The following MYO1G variants were observed in gnomAD, a reference collection of about 807,000 sequenced individuals.
MYO1G encodes myosin IG.
A neutral mutation model predicts 115.3 loss-of-function variants in MYO1G; 65 were observed. That is an observed-to-expected ratio of 0.56 (90% CI 0.46 to 0.69). MYO1G has a LOEUF of 0.69. Ranked by LOEUF, MYO1G falls within the 30% of genes least tolerant of loss-of-function variation. The pLI, the probability that MYO1G is intolerant of heterozygous loss-of-function variation, is 0.00. For missense variants in MYO1G, 1,204 were observed against 1,393.5 expected (o/e 0.86, Z 2.16); for synonymous variants, 510 against 552.6 (o/e 0.92, Z 1.08).
At position 44,963,343 on chromosome 7, in the gene MYO1G, A is replaced by G. The variant is rs1794783769; in HGVS notation, c.2746-219T>C. On this transcript the variant is annotated intron_variant, in intron 20 of 21. Coordinates refer to ENST00000258787, the MANE Select transcript of MYO1G (RefSeq NM_033054.3). This position sits in a 1 kb window ranked among gnomAD's most constrained non-coding sequence, Gnocchi z 4.1. ...GACGCTGCACAATACGATTTTCTCC[A>G]GGACTGATGGTTCTAGATCCTTGCT... The G allele has an allele frequency of 1.9e-6, 1 of 537,202 alleles. No homozygotes were observed. Among genetic ancestry groups the G allele is most frequent in the Non-Finnish European group, 3.2e-6 (1 of 312,318 alleles). The allele number at this position is 537,202 out of a possible 1,614,324, so 33.3% of individuals were successfully genotyped here. A position where few individuals can be genotyped will look rare whatever the true frequency, so the allele number is the denominator to read the frequency against.
rs764508653 is a variant in MYO1G at position 44,965,598 on chromosome 7, G to A, written c.2381+39C>T. The A allele has an allele frequency of 1.3e-5, 20 of 1,565,334 alleles. No individual in the cohort carries two copies. The East Asian group carries it at 2.0e-4, about 16-fold the overall frequency. On this transcript the variant is annotated intron_variant, in intron 17 of 21. Transcript: ENST00000258787. Reference sequence around the variant, plus strand: ...TGATGGGTTAAGGTATTCAGTGGATGCCAGCTGAATGGAATGTGTGGTGGG... The same window carrying A: ...TGATGGGTTAAGGTATTCAGTGGATACCAGCTGAATGGAATGTGTGGTGGG...
chr7:44,976,919 T>C lies in MYO1G; in HGVS notation c.248A>G (p.Asn83Ser). 1.2e-6 allele frequency: 2 copies of C among 1,613,544 alleles called. No individual in the cohort carries two copies. The highest frequency in any genetic ancestry group is 1.7e-6 in the Non-Finnish European group (2 of 1,180,034). ...GTGCTTCATTGCCTTGTAGGCGGCG[T>C]TGGCCACAGCATAGAGATGGGGTGG... ...ERPPHLYAVA[N>S]AAYKAMKHRS... The change falls in exon 2 of 22, where the codon AAC becomes AGC. Residue 83 changes from asparagine to serine, a missense_variant. Transcript: ENST00000258787.
intron 14 of MYO1G, among the ~76,000 whole-genome samples, chr7:44,967,379 C>G (rs1380113695): frequency 6.6e-6 from 1 of 152,238 alleles, no homozygotes; most frequent in Admixed American, 6.5e-5. Flanking sequence ...GAGGAGAAGC[C>G]TGGGTTCCCC....
chr7:44,968,593 C>G (rs537601396), intron 12 of MYO1G: 1 of 152,164 alleles, frequency 6.6e-6, no homozygotes, highest in Non-Finnish European at 1.5e-5. Context: ...CAACCTCTAC[C>G]TCCCAGGTTC....
At chr7:44,975,694 C>T in intron 3 of MYO1G, 45 bp from the exon 4 acceptor site, 2 of 1,516,344 alleles carry the variant, frequency 1.3e-6, no homozygotes, top group Non-Finnish European at 1.8e-6. Flanking sequence ...GACTTCCCAT[C>T]TGGGGAATGC....
chr7:44,971,726 T>C lies in MYO1G; in HGVS notation c.793A>G (p.Ser265Gly), dbSNP rs1318392118. The change falls in exon 7 of 22, where the codon AGT becomes GGT. Residue 265 changes from serine to glycine, a missense_variant. Ser to Gly is a moderately conservative substitution (Grantham distance 56). Coordinates refer to ENST00000258787, the MANE Select transcript of MYO1G (RefSeq NM_033054.3). ...VTEAMRVIGFSPEEVESVHRI... is the reference protein window; with the variant it reads ...VTEAMRVIGFGPEEVESVHRI... ...TGCACAGACTCCACCTCTTCAGGACTGAAGCCGATGACCCTCATGGCCTCG... is the reference window on the plus strand; with the variant it reads ...TGCACAGACTCCACCTCTTCAGGACCGAAGCCGATGACCCTCATGGCCTCG... 1 of 1,556,382 alleles carries C rather than the reference T, an allele frequency of 6.4e-7. No individual in the cohort carries two copies. The highest frequency in any genetic ancestry group is 2.4e-5 in the East Asian group (1 of 41,566).
Position 44,976,544 on chromosome 7 carries a change from A to AGCT in MYO1G, c.398+17_398+19dup. 6.2e-7 allele frequency: 1 copy of AGCT among 1,612,556 alleles called. No individual in the cohort carries two copies. Among genetic ancestry groups the AGCT allele is most frequent in the Non-Finnish European group, 8.5e-7 (1 of 1,178,644 alleles). ...CCTGGCCTGCCATGCTGAGGCCCAGAGCTGCCCATTGCCACTCACCTCTCC... is the reference window on the plus strand; with the variant it reads ...CCTGGCCTGCCATGCTGAGGCCCAGAGCTGCTGCCCATTGCCACTCACCTCTCC... On this transcript the variant is annotated intron_variant, in intron 3 of 21. Coordinates refer to ENST00000258787, the MANE Select transcript of MYO1G (RefSeq NM_033054.3).
rs375337847 is a variant in MYO1G at position 44,965,110 on chromosome 7, A to G, written c.2382-21T>C. The G allele has an allele frequency of 5.1e-4, 818 of 1,592,468 alleles. 7 individuals carry two copies. In the South Asian group the frequency reaches 8.6e-3, roughly 17 times the overall value. ...GCCACCTGGGAGAGGGCATGTAGTCAGACAGATGCTGGCCATGTGTTCATG... is the reference window on the plus strand; with the variant it reads ...GCCACCTGGGAGAGGGCATGTAGTCGGACAGATGCTGGCCATGTGTTCATG... On this transcript the variant is annotated intron_variant, in intron 17 of 21. Transcript: ENST00000258787.
In MYO1G at chr7:44,964,932, G is replaced by T. The variant is rs745390759; in HGVS notation, c.2526+13C>A. 2.5e-6 allele frequency: 4 copies of T among 1,585,746 alleles called. 1 individual carries two copies. The highest frequency in any genetic ancestry group is 3.4e-6 in the Non-Finnish European group (4 of 1,159,662). Reference sequence around the variant, plus strand: ...ACTTCCCCCTGGCAGCCCTGGACTCGCCTGGCACTTACAGAGGACAGGTAG... The same window carrying T: ...ACTTCCCCCTGGCAGCCCTGGACTCTCCTGGCACTTACAGAGGACAGGTAG... On this transcript the variant is annotated intron_variant, in intron 18 of 21. Coordinates refer to ENST00000258787, the MANE Select transcript of MYO1G (RefSeq NM_033054.3). This position sits in a 1 kb window ranked among gnomAD's most constrained non-coding sequence, Gnocchi z 5.1.
rs144045009 is a variant in MYO1G at position 44,976,946 on chromosome 7, C to T, written c.221G>A (p.Arg74Gln). ...ARYQGRELYERPPHLYAVANA... is the reference protein window; with the variant it reads ...ARYQGRELYEQPPHLYAVANA... ...GGCCACAGCATAGAGATGGGGTGGC[C>T]GCTCATAGAGCTCACGGCCCTGGTA... Residue 74 changes from arginine (R) to glutamine (Q), a missense_variant, in exon 2 of 22, where the codon CGG becomes CAG. Physicochemically the swap from Arg to Gln is conservative, Grantham distance 43. Coordinates refer to ENST00000258787, the MANE Select transcript of MYO1G (RefSeq NM_033054.3). 2.3e-5 allele frequency: 37 copies of T among 1,613,438 alleles called. No homozygotes were observed. The African/African-American group carries it at 3.7e-4, about 16-fold the overall frequency.
At chr7:44,970,560 A>T in intron 9 of MYO1G, 32 bp downstream of exon 9, 1 of 1,612,126 alleles carries the variant, frequency 6.2e-7, no homozygotes, top group Non-Finnish European at 8.5e-7. Context: ...GCTGGGTGTC[A>T]GAGGTGGAGA....
intron 12 of MYO1G, chr7:44,968,890 A>G: frequency 6.2e-6 from 1 of 162,112 alleles, no homozygotes; most frequent in Non-Finnish European, 1.4e-5. Context: ...AGAAGTTCTC[A>G]TGAAACACTT....
chr7:44,975,768 T>G, intron 3 of MYO1G, 119 bp from the exon 4 acceptor site: 1 of 1,184,230 alleles, frequency 8.4e-7, no homozygotes, highest in Non-Finnish European at 1.1e-6. Flanking sequence ...CCTCTGAACT[T>G]GCTGAGAGGG....
chr7:44,971,277 G>C (rs1794953816), intron 7 of MYO1G, among the ~76,000 whole-genome samples: 1 of 146,630 alleles, frequency 6.8e-6, no homozygotes, highest in South Asian at 2.1e-4. Context: ...AAGGCCTCGA[G>C]GCCTCGAGTC....
chr7:44,966,380 G>C lies in MYO1G; in HGVS notation c.1950-100C>G, dbSNP rs1794844683. On this transcript the variant is annotated intron_variant, in intron 15 of 21. Coordinates refer to ENST00000258787, the MANE Select transcript of MYO1G (RefSeq NM_033054.3). This position sits in a 1 kb window ranked among gnomAD's most constrained non-coding sequence, Gnocchi z 5.0. ...CCTGGGGAGATGGCAGGGATACAGA[G>C]TGTGTTCCTGGAGCACTTATGACAC... The C allele has an allele frequency of 1.8e-6, 2 of 1,104,582 alleles. No individual in the cohort carries two copies. The highest frequency in any genetic ancestry group is 2.0e-5 in the Admixed American group (1 of 49,894). The allele number at this position is 1,104,582 out of a possible 1,614,324, so 68.4% of individuals were successfully genotyped here.
At chr7:44,974,313 T>G (rs1304150977) in intron 5 of MYO1G, 1 of 150,408 alleles carries the variant, frequency 6.6e-6, no homozygotes, top group African/African-American at 2.5e-5. Context: ...TCCTGTCTCA[T>G]GGGGAGCACA....
In MYO1G at chr7:44,976,930, A is replaced by G. The variant is rs1236214236; in HGVS notation, c.237T>C (p.Tyr79=). The change falls in exon 2 of 22, where the codon TAT becomes TAC. Residue 79 remains tyrosine (Y), a synonymous_variant. Coordinates refer to ENST00000258787, the MANE Select transcript of MYO1G (RefSeq NM_033054.3). ...RELYERPPHL[Y]AVANAAYKAM... ...CCTTGTAGGCGGCGTTGGCCACAGC[A>G]TAGAGATGGGGTGGCCGCTCATAGA... The G allele has an allele frequency of 3.1e-6, 5 of 1,613,590 alleles. No homozygotes were observed. The South Asian group carries it at 5.5e-5, about 18-fold the overall frequency.
chr7:44,962,875 A>G lies in MYO1G; in HGVS notation c.2921T>C (p.Val974Ala). 2.0e-6 allele frequency: 3 copies of G among 1,492,220 alleles called. No individual in the cohort carries two copies. Among genetic ancestry groups the G allele is most frequent in the Non-Finnish European group, 2.7e-6 (3 of 1,122,528 alleles). The allele number at this position is 1,492,220 out of a possible 1,614,324, so 92.4% of individuals were successfully genotyped here. A position where few individuals can be genotyped will look rare whatever the true frequency, so the allele number is the denominator to read the frequency against. ...TAGTGGGATGCAGTCGGAGACGCGA[A>G]CCTCCAGGGTGCGGCCCTCCCTGCG... Reference protein sequence around the residue: ...HCQGEGRTLEVRVSDCIPLSH... With the variant: ...HCQGEGRTLEARVSDCIPLSH... The change falls in exon 22 of 22, where the codon GTT (valine) becomes GCT (alanine). Residue 974 changes from valine to alanine, a missense_variant. Physicochemically the swap from Val to Ala is moderately conservative, Grantham distance 64. Coordinates refer to ENST00000258787, the MANE Select transcript of MYO1G (RefSeq NM_033054.3). This position sits in a 1 kb window ranked among gnomAD's most constrained non-coding sequence, Gnocchi z 5.3.
In MYO1G at chr7:44,963,302, G is replaced by T; in HGVS notation, c.2746-178C>A. ...CTCCCTCTCGGGGCCCTGCTGACAG[G>T]GGGAAGCTTGGGCGGGACGCTGCAC... On this transcript the variant is annotated intron_variant, in intron 20 of 21. Coordinates refer to ENST00000258787, the MANE Select transcript of MYO1G (RefSeq NM_033054.3). This position sits in a 1 kb window ranked among gnomAD's most constrained non-coding sequence, Gnocchi z 4.1. The T allele has an allele frequency of 1.6e-6, 1 of 638,682 alleles. No individual in the cohort carries two copies. The highest frequency in any genetic ancestry group is 3.7e-5 in the Admixed American group (1 of 27,314). The allele number at this position is 638,682 out of a possible 1,614,324, so 39.6% of individuals were successfully genotyped here. A position where few individuals can be genotyped will look rare whatever the true frequency, so the allele number is the denominator to read the frequency against.
Sources: gnomAD v4.1 joint callset for allele counts (sites outside exome capture counted in the v4.1 genomes callset) on GRCh38, gnomAD v4.1.1 for gene constraint, Gnocchi (gnomAD v3.1) non-coding constraint, MANE v1.5 for transcripts, NCBI Gene and HGNC (gene_info 2026-07-23, HGNC 2026-07-21) for gene names.